STPG2: variants seen among roughly 807,000 people sequenced by gnomAD.
STPG2 encodes the protein sperm-tail PG-rich repeat-containing protein 2.
STPG2 carries 56 observed loss-of-function variants against 54.2 expected under a neutral mutation model. The ratio of observed to expected loss-of-function variants is 1.03; its 90% CI spans 0.83 to 1.29. The LOEUF (loss-of-function observed/expected upper bound fraction) is 1.29, where lower values mean the gene tolerates loss of function less well. Ranked by LOEUF, STPG2 falls within the 50% of genes most tolerant of loss-of-function variation. STPG2 has a pLI of 0.00. For missense variants in STPG2, 596 were observed against 544.9 expected, an observed-to-expected ratio of 1.09 and a Z score of -0.93; for synonymous variants, 200 against 181.8, an observed-to-expected ratio of 1.10 and a Z score of -0.81.
intron 9 of STPG2, among the ~76,000 whole-genome samples, chr4:97,716,005 A>G (rs1050708084): frequency 3.3e-5 from 5 of 152,230 alleles, no homozygotes; most frequent in Admixed American, 1.3e-4. Flanking sequence ...CAAGAAAAAA[A>G]TAACCCTGTC....
rs141346849 is a variant in STPG2 at position 97,523,744 on chromosome 4, T to C, written c.462+188955A>G. On this transcript the variant is annotated intron_variant, in intron 4 of 4. Transcript: ENST00000522676. The stretch of plus-strand genomic sequence containing the variant: ...TGTCCCCTGTAAGCTGAAATAACTA[T>C]CTTATTTCATCCAACAACAAATTAT... Among the ~76,000 whole-genome samples, 60 of 152,104 alleles carry C rather than the reference T, an allele frequency of 3.9e-4. 1 individual carries two copies. The highest frequency in any genetic ancestry group is 6.6e-4 in the Non-Finnish European group (45 of 67,916).
intron 7 of STPG2, among the ~76,000 whole-genome samples, chr4:97,963,155 T>A (rs970796421): frequency 5.1e-5 from 7 of 138,118 alleles, no homozygotes; most frequent in African/African-American, 1.9e-4. Context: ...CAACACTCCA[T>A]CTCAAAAACA....
intron 8 of STPG2, among the ~76,000 whole-genome samples, chr4:97,846,623 C>CAAAAAA (rs540016952): frequency 4.4e-5 from 3 of 68,350 alleles, no homozygotes; most frequent in Admixed American, 1.7e-4. Flanking sequence ...GACTCCACCT[C>CAAAAAA]AAAAAAAAAA....
At chr4:97,684,789 T>G (rs1270485084) in intron 10 of STPG2, among the ~76,000 whole-genome samples, 1 of 151,904 alleles carries the variant, frequency 6.6e-6, no homozygotes, top group Non-Finnish European at 1.5e-5. Context: ...AGAGAAACAC[T>G]ATTAGGAGAA....
At chr4:97,791,208 C>G (rs892795204) in intron 9 of STPG2, among the ~76,000 whole-genome samples, 1 of 151,948 alleles carries the variant, frequency 6.6e-6, no homozygotes, top group African/African-American at 2.4e-5. Context: ...TGAACTTTTT[C>G]CCACACTAAA....
chr4:98,096,373 G>A (rs1738859382), intron 5 of STPG2, among the ~76,000 whole-genome samples: 1 of 150,172 alleles, frequency 6.7e-6, no homozygotes, highest in African/African-American at 2.5e-5. Flanking sequence ...TTCCAGCCTG[G>A]GTAACAGGAG....
intron 6 of STPG2, among the ~76,000 whole-genome samples, chr4:97,974,841 C>T (rs1279833615): frequency 6.6e-6 from 1 of 152,036 alleles, no homozygotes; most frequent in Non-Finnish European, 1.5e-5. Context: ...GGCTAATACA[C>T]TTGCCATATG....
intron 4 of STPG2, among the ~76,000 whole-genome samples, chr4:97,503,213 T>C (rs937207264): frequency 2.0e-5 from 3 of 151,994 alleles, no homozygotes; most frequent in Non-Finnish European, 4.4e-5. Flanking sequence ...AGAATCTCTA[T>C]AAGCTAGTTA....
chr4:97,802,259 C>T (rs1235874404), intron 9 of STPG2, among the ~76,000 whole-genome samples: 1 of 152,134 alleles, frequency 6.6e-6, no homozygotes, highest in African/African-American at 2.4e-5. Context: ...AGATTCATCT[C>T]TGCATATCTA....
chr4:97,886,547 A>C (rs6825211), intron 8 of STPG2, among the ~76,000 whole-genome samples: 1 of 152,020 alleles, frequency 6.6e-6, no homozygotes, highest in South Asian at 2.1e-4. Flanking sequence ...ATATATCCAC[A>C]TATGACTAAA....
chr4:97,456,951 A>G (rs1409990933), intron 4 of STPG2, among the ~76,000 whole-genome samples: 1 of 151,760 alleles, frequency 6.6e-6, no homozygotes, highest in East Asian at 1.9e-4. Flanking sequence ...CTGAATAGAT[A>G]GATACCTTGC....
chr4:97,895,460 G>A (rs1442284082), intron 8 of STPG2, among the ~76,000 whole-genome samples: 1 of 151,762 alleles, frequency 6.6e-6, no homozygotes, highest in Non-Finnish European at 1.5e-5. Flanking sequence ...TACAAAATAA[G>A]TCCTTTTATA....
At chr4:97,498,156 G>A (rs1730649969) in intron 4 of STPG2, among the ~76,000 whole-genome samples, 1 of 151,910 alleles carries the variant, frequency 6.6e-6, no homozygotes, top group Admixed American at 6.6e-5. Flanking sequence ...ACATAGTCTA[G>A]TCCCCATGAG....
intron 3 of STPG2, among the ~76,000 whole-genome samples, chr4:98,113,348 T>C (rs536500977): frequency 1.1e-4 from 17 of 152,236 alleles, no homozygotes; most frequent in African/African-American, 3.9e-4. Context: ...CAAAAGGCTA[T>C]ATGTCCTCTA....
intron 8 of STPG2, among the ~76,000 whole-genome samples, chr4:97,900,245 A>G (rs947402084): frequency 2.0e-5 from 3 of 152,188 alleles, no homozygotes; most frequent in African/African-American, 7.2e-5. Flanking sequence ...ACCAGTCAGA[A>G]TGGCTATTGT....
chr4:97,849,278 C>T lies in STPG2; in HGVS notation c.1045-8346G>A, dbSNP rs538189176. Among the ~76,000 whole-genome samples the T allele has an allele frequency of 1.1e-3, 161 of 152,002 alleles. 2 individuals are homozygous for T. In the South Asian group the frequency reaches 0.019, roughly 18 times the overall value. On this transcript the variant is annotated intron_variant, in intron 8 of 10. Coordinates refer to ENST00000295268, the MANE Select transcript of STPG2 (RefSeq NM_174952.3). ...TTTGAAGCAATTGTGAATGGGAGTT[C>T]ACTCATGATTAAACGTTAGACCTAA...
At chr4:98,142,374 A>G (rs1452783441) in intron 1 of STPG2, among the ~76,000 whole-genome samples, 1 of 152,202 alleles carries the variant, frequency 6.6e-6, no homozygotes, top group African/African-American at 2.4e-5. Context: ...GAATAGAAAA[A>G]GTAGAAAGCA....
At chr4:97,859,971 T>A (rs1031742418) in intron 8 of STPG2, among the ~76,000 whole-genome samples, 3 of 152,238 alleles carry the variant, frequency 2.0e-5, no homozygotes, top group African/African-American at 7.2e-5. Flanking sequence ...GCATCATTTG[T>A]TGAGCAGGGT....
At chr4:97,803,004 C>T (rs533877124) in intron 9 of STPG2, among the ~76,000 whole-genome samples, 33 of 152,282 alleles carry the variant, frequency 2.2e-4, no homozygotes, top group Admixed American at 5.9e-4. Flanking sequence ...GACTCACCTG[C>T]CCTCACCACC....
Sources: gnomAD v4.1 joint callset for allele counts (sites outside exome capture counted in the v4.1 genomes callset) on GRCh38, gnomAD v4.1.1 for gene constraint, MANE v1.5 for transcripts, NCBI Gene and HGNC (gene_info 2026-07-23, HGNC 2026-07-21) for gene names.